ZDHHC11B: variants seen among roughly 807,000 people sequenced by gnomAD.
The protein encoded by ZDHHC11B is probable palmitoyltransferase ZDHHC11B.
A neutral mutation model predicts 42.3 loss-of-function variants in ZDHHC11B; 17 were observed. The ratio of observed to expected loss-of-function variants is 0.40; its 90% CI spans 0.27 to 0.60. The LOEUF (loss-of-function observed/expected upper bound fraction) is 0.60. Ranked by LOEUF, ZDHHC11B falls within the 20% of genes least tolerant of loss-of-function variation. ZDHHC11B has a pLI of 0.41. For missense variants in ZDHHC11B, 262 were observed against 463.2 expected (o/e 0.57, Z 3.99); for synonymous variants, 123 against 193.5 (o/e 0.64, Z 3.02).
chr5:726,200 C>G (rs1271036148), intron 12 of ZDHHC11B, among the ~76,000 whole-genome samples: 2 of 151,640 alleles, frequency 1.3e-5, no homozygotes, highest in African/African-American at 4.9e-5. Flanking sequence ...ACCTCACAGG[C>G]TCTTAGTGAA....
In ZDHHC11B at chr5:745,911, G is replaced by T. The variant is rs1250375756; in HGVS notation, c.785-613C>A. ...GGCCCAGGAGGTGAACACGAGTGCT[G>T]TGAGTGCCACTCAGCACAGCCTCTG... On this transcript the variant is annotated intron_variant, in intron 8 of 13. Transcript: ENST00000508859. Among the ~76,000 whole-genome samples, 7 of 149,658 alleles carry T rather than the reference G, an allele frequency of 4.7e-5. 2 individuals are homozygous for T. The highest frequency in any genetic ancestry group is 1.7e-4 in the African/African-American group (7 of 40,766).
chr5:735,939 G>A (rs1265424657), intron 10 of ZDHHC11B, among the ~76,000 whole-genome samples: 2 of 148,662 alleles, frequency 1.3e-5, no homozygotes, highest in African/African-American at 2.5e-5. Context: ...GCAACAACTA[G>A]CATGATCAAT....
intron 1 of ZDHHC11B, among the ~76,000 whole-genome samples, chr5:780,940 C>T (rs1253171647): frequency 7.4e-5 from 11 of 149,086 alleles, no homozygotes; most frequent in African/African-American, 2.0e-4. Context: ...AGGTTACCTG[C>T]GAGATGCCAT....
chr5:759,841 G>A (rs997284678), intron 4 of ZDHHC11B, among the ~76,000 whole-genome samples: 9 of 151,850 alleles, frequency 5.9e-5, no homozygotes, highest in Non-Finnish European at 1.0e-4. Context: ...TCCCAGAGCC[G>A]CCCGGGTCCC....
At chr5:766,106 C>A (rs1735302148) in intron 4 of ZDHHC11B, among the ~76,000 whole-genome samples, 2 of 151,990 alleles carry the variant, frequency 1.3e-5, no homozygotes, top group East Asian at 1.9e-4. Flanking sequence ...GGAGGTAGTG[C>A]AGAGCCCACA....
At chr5:716,471 T>C (rs62332078) in intron 13 of ZDHHC11B, among the ~76,000 whole-genome samples, 33,009 of 148,860 alleles carry the variant, frequency 0.22, 3,187 homozygotes, top group Middle Eastern at 0.32. Flanking sequence ...TGTTCATTAT[T>C]TAAAGTTCTT....
chr5:758,987 G>A (rs1209854499), intron 4 of ZDHHC11B, among the ~76,000 whole-genome samples: 9 of 151,844 alleles, frequency 5.9e-5, no homozygotes, highest in African/African-American at 1.7e-4. Flanking sequence ...GGGGAGCCCC[G>A]GGATAGAGAT....
At chr5:774,040 G>T (rs1476253659) in intron 1 of ZDHHC11B, among the ~76,000 whole-genome samples, 2 of 151,840 alleles carry the variant, frequency 1.3e-5, no homozygotes, top group Non-Finnish European at 2.9e-5. Context: ...CGCTGGCCAG[G>T]GAATGCCTGT....
intron 4 of ZDHHC11B, among the ~76,000 whole-genome samples, chr5:758,809 T>C (rs1368824636): frequency 6.6e-6 from 1 of 151,932 alleles, no homozygotes; most frequent in Non-Finnish European, 1.5e-5. Context: ...TTGGCCGCAC[T>C]TTGGCCAGCG....
rs534762969 is a variant in ZDHHC11B at position 766,668 on chromosome 5, G to A, written c.222+30C>T. 104 of 1,580,958 alleles carry A rather than the reference G, an allele frequency of 6.6e-5. 1 individual carries two copies. The highest frequency in any genetic ancestry group is 3.6e-4 in the Admixed American group (20 of 55,344). ...GCAGGGTCCTCCAGGAACCCCTCCCGCTTAGACCATGCCACGATGAAAAGG... is the reference window on the plus strand; with the variant it reads ...GCAGGGTCCTCCAGGAACCCCTCCCACTTAGACCATGCCACGATGAAAAGG... On this transcript the variant is annotated intron_variant, in intron 4 of 13. Coordinates refer to ENST00000508859, the MANE Select transcript of ZDHHC11B (RefSeq NM_001351303.2).
At chr5:769,618 C>G in intron 1 of ZDHHC11B, among the ~76,000 whole-genome samples, 1 of 151,790 alleles carries the variant, frequency 6.6e-6, no homozygotes, top group East Asian at 1.9e-4. Context: ...CCCGCGAGTG[C>G]GTTTCAAACC....
intron 4 of ZDHHC11B, 120 bp downstream of exon 4, chr5:766,578 T>C (rs771252080): frequency 1.4e-5 from 16 of 1,125,824 alleles, no homozygotes; most frequent in Non-Finnish European, 1.9e-5. Context: ...GGACATAGTC[T>C]GGCCCAGGAC....
chr5:748,499 G>T lies in ZDHHC11B; in HGVS notation c.689C>A (p.Thr230Asn). 2.2e-6 allele frequency: 3 copies of T among 1,364,958 alleles called. 1 individual carries two copies. The highest frequency in any genetic ancestry group is 1.9e-4 in the Middle Eastern group (1 of 5,238). The allele number at this position is 1,364,958 out of a possible 1,614,324, so 84.6% of individuals were successfully genotyped here. A position where few individuals can be genotyped will look rare whatever the true frequency, so the allele number is the denominator to read the frequency against. The change falls in exon 8 of 14, where the codon ACT becomes AAT. Residue 230 changes from threonine (T) to asparagine (N), a missense_variant. Around this residue, in one of 5 missense-constraint regions of ZDHHC11B, gnomAD observed 57 missense variants for 103.3 expected, o/e 0.55. Transcript: ENST00000508859. ...FLPLFPVQVQ[T>N]LIVVIIRMLV... ...CATCCTGATGATCACGACTATCAGA[G>T]TCTGCACCTGCACCGGGAACAGGGG...
intron 11 of ZDHHC11B, 115 bp downstream of exon 11, chr5:733,637 G>A: frequency 1.1e-6 from 1 of 912,102 alleles, no homozygotes; most frequent in Non-Finnish European, 1.7e-6. Flanking sequence ...AGCACCCTTG[G>A]ACACAGAGTG....
chr5:751,185 G>A lies in ZDHHC11B; in HGVS notation c.576C>T (p.Leu192=), dbSNP rs577707495. ...LCLIAILLYV[L]VQYLVNPRVL... is the part of the protein sequence containing the mutation. ...CCCTGGGGTTCACGAGGTACTGGAC[G>A]AGGACATACAGCAGGATGGCGATCA... is the stretch of plus-strand genomic sequence containing the variant. The change falls in exon 7 of 14, where the codon CTC becomes CTT. Residue 192 remains leucine, a synonymous_variant. Coordinates refer to ENST00000508859, the MANE Select transcript of ZDHHC11B (RefSeq NM_001351303.2). 3,120 of 1,310,064 alleles carry A rather than the reference G, an allele frequency of 2.4e-3. 632 individuals are homozygous for A. Among genetic ancestry groups the A allele is most frequent in the Non-Finnish European group, 2.7e-3 (2,640 of 979,688 alleles). 81.2% of individuals were successfully genotyped at this position (1,310,064 alleles called of 1,614,324 possible). A position where few individuals can be genotyped will look rare whatever the true frequency, so the allele number is the denominator to read the frequency against.
intron 1 of ZDHHC11B, among the ~76,000 whole-genome samples, chr5:771,675 G>A (rs1372639848): frequency 6.6e-6 from 1 of 151,788 alleles, no homozygotes; most frequent in African/African-American, 2.4e-5. Flanking sequence ...AGCAGGGGTC[G>A]CTGGACAGGA....
At chr5:758,096 C>T (rs1450786217) in intron 4 of ZDHHC11B, among the ~76,000 whole-genome samples, 5 of 151,866 alleles carry the variant, frequency 3.3e-5, no homozygotes, top group Admixed American at 1.3e-4. Flanking sequence ...CCCCATGTAC[C>T]CGCTCCCTGC....
intron 4 of ZDHHC11B, among the ~76,000 whole-genome samples, chr5:759,290 C>T (rs1734272135): frequency 6.6e-6 from 1 of 151,898 alleles, no homozygotes; most frequent in South Asian, 2.1e-4. Flanking sequence ...CTAACCTTTC[C>T]CCCGCCCTGT....
intron 1 of ZDHHC11B, among the ~76,000 whole-genome samples, chr5:770,066 G>C (rs1281643427): frequency 1.3e-5 from 2 of 151,724 alleles, no homozygotes; most frequent in African/African-American, 4.8e-5. Flanking sequence ...CCGGGGACTT[G>C]GGGGGCGTCC....
Sources: allele counts gnomAD v4.1 joint callset (sites outside exome capture counted in the v4.1 genomes callset), GRCh38; gene constraint gnomAD v4.1.1; regional missense constraint gnomAD v4.1.1; transcripts MANE v1.5; gene names NCBI Gene and HGNC (gene_info 2026-07-23, HGNC 2026-07-21).